Variants in RNF41 observed in about 807,000 individuals in gnomAD.
RNF41 encodes the protein E3 ubiquitin-protein ligase NRDP1.
A neutral mutation model predicts 33.0 loss-of-function variants in RNF41; 4 were observed. The observed-to-expected ratio is 0.12, with a 90% CI of 0.06 to 0.28. The LOEUF (loss-of-function observed/expected upper bound fraction) is 0.28, where lower values mean the gene tolerates loss of function less well. RNF41 is among the 10% of genes least tolerant of loss of function. The pLI, the probability that RNF41 is intolerant of heterozygous loss-of-function variation, is 1.00. For missense variants in RNF41, 228 were observed against 432.6 expected (o/e 0.53, Z 4.19); for synonymous variants, 164 against 153.2 (o/e 1.07, Z -0.52).
rs75312358 is a variant in RNF41, at chr12:56,207,787, C to T, written c.499-38G>A. ...AGAAGAACAGGAATAATGGTTAAGGCAGACAGCAGAAAAAAGACAAAAGTT... is the reference window on the plus strand; with the variant it reads ...AGAAGAACAGGAATAATGGTTAAGGTAGACAGCAGAAAAAAGACAAAAGTT... On this transcript the variant is annotated intron_variant, in intron 5 of 6. Transcript: ENST00000345093. The T allele has an allele frequency of 1.3e-3, 2,050 of 1,521,086 alleles. 28 individuals carry two copies. In the African/African-American group the frequency reaches 0.024, roughly 18 times the overall value. The allele number at this position is 1,521,086 out of a possible 1,614,324, so 94.2% of individuals were successfully genotyped here.
intron 3 of RNF41, among the ~76,000 whole-genome samples, chr12:56,212,102 G>GA (rs1247021713): frequency 6.6e-6 from 1 of 152,194 alleles, no homozygotes; most frequent in African/African-American, 2.4e-5. Flanking sequence ...CCAACATGGT[G>GA]AAACACAGAT....
chr12:56,217,317 C>T (rs1157186715), intron 1 of RNF41, among the ~76,000 whole-genome samples: 2 of 151,988 alleles, frequency 1.3e-5, no homozygotes, highest in Admixed American at 6.6e-5. Context: ...GAGGCCGAGG[C>T]GGGTGGATCA....
In RNF41 at chr12:56,205,875, G is replaced by C. The variant is rs1319794698; in HGVS notation, c.*572C>G. 2 of 153,296 alleles carry C rather than the reference G, an allele frequency of 1.3e-5. No homozygotes were observed. Among genetic ancestry groups the C allele is most frequent in the Non-Finnish European group, 2.9e-5 (2 of 68,684 alleles). 9.5% of individuals were successfully genotyped at this position (153,296 alleles called of 1,614,324 possible). A position where few individuals can be genotyped will look rare whatever the true frequency, so the allele number is the denominator to read the frequency against. On this transcript the variant is annotated 3_prime_UTR_variant, in exon 7 of 7. Coordinates refer to ENST00000345093, the MANE Select transcript of RNF41 (RefSeq NM_005785.4). ...CCCAACCTGCATACTGGTAGACCCAGTGGGTGCCTACACCTTTAAGGTGGG... is the reference window on the plus strand; with the variant it reads ...CCCAACCTGCATACTGGTAGACCCACTGGGTGCCTACACCTTTAAGGTGGG...
At chr12:56,207,454 C>A in intron 6 of RNF41, 192 bp downstream of exon 6, 1 of 737,336 alleles carries the variant, frequency 1.4e-6, no homozygotes, top group Non-Finnish European at 2.4e-6. Context: ...CACCCAAACA[C>A]ATAAGACATC....
intron 1 of RNF41, among the ~76,000 whole-genome samples, chr12:56,220,979 A>G (rs1482395289): frequency 6.6e-6 from 1 of 152,182 alleles, no homozygotes; most frequent in Non-Finnish European, 1.5e-5. Context: ...CTGTATAGAA[A>G]GGGATAACAC....
At chr12:56,221,081 T>TC (rs1869374985) in intron 1 of RNF41, among the ~76,000 whole-genome samples, 1 of 152,082 alleles carries the variant, frequency 6.6e-6, no homozygotes, top group African/African-American at 2.4e-5. Flanking sequence ...AAGCAGTCTG[T>TC]CAATCCCTCA....
At chr12:56,214,205 G>C in intron 2 of RNF41, 135 bp from the exon 3 acceptor site, 1 of 622,600 alleles carries the variant, frequency 1.6e-6, no homozygotes, top group Non-Finnish European at 2.9e-6. Flanking sequence ...CAGTCATTTG[G>C]CTCGGTGGAA....
At chr12:56,207,518 A>T in intron 6 of RNF41, 128 bp downstream of exon 6, 1 of 810,104 alleles carries the variant, frequency 1.2e-6, no homozygotes, top group Non-Finnish European at 2.2e-6. Context: ...CCTTAATGCC[A>T]ATATCTGAGA....
chr12:56,216,205 C>T (rs1483668777), intron 2 of RNF41, among the ~76,000 whole-genome samples: 1 of 150,636 alleles, frequency 6.6e-6, no homozygotes, highest in Non-Finnish European at 1.5e-5. Flanking sequence ...GGAAAAAAAA[C>T]ACATAAAAAC....
At chr12:56,214,485 A>C (rs1264736203) in intron 2 of RNF41, among the ~76,000 whole-genome samples, 2 of 139,528 alleles carry the variant, frequency 1.4e-5, no homozygotes, top group Non-Finnish European at 3.1e-5. Flanking sequence ...GCGCCACTGC[A>C]CTCCAGCCTG....
chr12:56,217,235 T>C (rs1868972242), intron 1 of RNF41, among the ~76,000 whole-genome samples: 1 of 151,570 alleles, frequency 6.6e-6, no homozygotes, highest in South Asian at 2.1e-4. Context: ...GTAATAATGA[T>C]TCCAAATCTG....
At chr12:56,212,225 A>T (rs901104553) in intron 3 of RNF41, among the ~76,000 whole-genome samples, 12 of 152,224 alleles carry the variant, frequency 7.9e-5, no homozygotes, top group Non-Finnish European at 1.8e-4. Context: ...ACTAATAAAA[A>T]TAGTTATCTG....
intron 3 of RNF41, among the ~76,000 whole-genome samples, chr12:56,213,580 G>T (rs906580262): frequency 6.6e-6 from 1 of 152,148 alleles, no homozygotes; most frequent in Non-Finnish European, 1.5e-5. Context: ...AATGCAGAGA[G>T]AACTTATTAG....
intron 3 of RNF41, 142 bp from the exon 4 acceptor site, chr12:56,210,710 A>C (rs932428842): frequency 3.9e-6 from 3 of 775,796 alleles, no homozygotes; most frequent in African/African-American, 1.7e-5. Context: ...CAAAGTATAG[A>C]TCTACTACGG....
chr12:56,219,203 T>A (rs112761500), intron 1 of RNF41, among the ~76,000 whole-genome samples: 185 of 150,076 alleles, frequency 1.2e-3, no homozygotes, highest in African/African-American at 3.9e-3. Flanking sequence ...TTATTTATTT[T>A]TTTTTTGAGA....
chr12:56,210,819 C>A (rs1868421401), intron 3 of RNF41, among the ~76,000 whole-genome samples: 1 of 152,056 alleles, frequency 6.6e-6, no homozygotes, highest in South Asian at 2.1e-4. Context: ...GGCAGGCACA[C>A]TGCTTGACCT....
intron 4 of RNF41, among the ~76,000 whole-genome samples, chr12:56,208,914 G>A (rs1868334177): frequency 6.9e-6 from 1 of 144,170 alleles, no homozygotes; most frequent in Non-Finnish European, 1.5e-5. Context: ...ACCCAGGCTG[G>A]AGTGCAATGG....
Position 56,207,599 on chromosome 12 carries a change from C to T in RNF41, c.602+47G>A, listed in dbSNP as rs765736697. The T allele has an allele frequency of 2.1e-6, 3 of 1,404,386 alleles. No homozygotes were observed. The Admixed American group carries it at 5.0e-5, about 24-fold the overall frequency. 87.0% of individuals were successfully genotyped at this position (1,404,386 alleles called of 1,614,324 possible). A position where few individuals can be genotyped will look rare whatever the true frequency, so the allele number is the denominator to read the frequency against. ...TCTCCTGCTCTTCCTCCTTTCAGGC[C>T]TTGTTGTCAGGACATGAAATCACTC... On this transcript the variant is annotated intron_variant, in intron 6 of 6. Coordinates refer to ENST00000345093, the MANE Select transcript of RNF41 (RefSeq NM_005785.4).
In RNF41 at chr12:56,202,597, A is replaced by T. The variant is rs1878638202; in HGVS notation, c.*3850T>A. The T allele has an allele frequency of 6.6e-6, 1 of 152,206 alleles. No homozygotes were observed. The highest frequency in any genetic ancestry group is 2.4e-5 in the African/African-American group (1 of 41,464). 9.4% of individuals were successfully genotyped at this position (152,206 alleles called of 1,614,324 possible). The stretch of plus-strand genomic sequence containing the variant: ...TGTAGTTTGCTGACCTCTGACCTAT[A>T]ACAAGTAACACTTCCTGAAAAGCCT... On this transcript the variant is annotated 3_prime_UTR_variant, in exon 7 of 7. Transcript: ENST00000345093.
Sources: gnomAD v4.1 joint callset for allele counts (sites outside exome capture counted in the v4.1 genomes callset) on GRCh38, gnomAD v4.1.1 for gene constraint, MANE v1.5 for transcripts, NCBI Gene and HGNC (gene_info 2026-07-23, HGNC 2026-07-21) for gene names.